Variants in ENKUR observed in about 807,000 individuals in gnomAD.
ENKUR encodes the protein enkurin, TRPC channel interacting protein.
In ENKUR, 19 loss-of-function variants were observed where a neutral mutation model predicts 27.6. That is an observed-to-expected ratio of 0.69 (90% confidence interval 0.48 to 1.01). The LOEUF is 1.01. Among genes scored for constraint, ENKUR ranks in the 50% least tolerant of loss-of-function variants. The pLI is 0.00. For missense variants in ENKUR, 312 were observed against 310.5 expected, an observed-to-expected ratio of 1.00 and a Z score of -0.04; for synonymous variants, 117 against 96.9, an observed-to-expected ratio of 1.21 and a Z score of -1.22.
chr10:24,988,425 T>A (rs1849839385), intron 4 of ENKUR, among the ~76,000 whole-genome samples: 2 of 146,002 alleles, frequency 1.4e-5, no homozygotes, highest in South Asian at 4.2e-4. Context: ...TATATATAAG[T>A]AAAATTTATT....
At chr10:25,049,731 T>C (rs757906493) in intron 2 of ENKUR, among the ~76,000 whole-genome samples, 34 of 135,472 alleles carry the variant, frequency 2.5e-4, no homozygotes, top group Non-Finnish European at 4.2e-4. Flanking sequence ...GATGTTGCAG[T>C]GAGTCGAGAT....
intron 2 of ENKUR, among the ~76,000 whole-genome samples, chr10:25,035,364 G>A (rs1439864097): frequency 1.3e-5 from 2 of 152,152 alleles, no homozygotes; most frequent in African/African-American, 4.8e-5. Flanking sequence ...AGACCAGCAT[G>A]GCCAACATGG....
chr10:25,059,466 G>A (rs1374991883), intron 2 of ENKUR, among the ~76,000 whole-genome samples: 1 of 152,114 alleles, frequency 6.6e-6, no homozygotes, highest in East Asian at 1.9e-4. Context: ...ATTATACTAT[G>A]TATGGAGATC....
chr10:25,033,732 A>G (rs1368861463), intron 2 of ENKUR, among the ~76,000 whole-genome samples: 2 of 152,190 alleles, frequency 1.3e-5, no homozygotes, highest in Non-Finnish European at 2.9e-5. Flanking sequence ...GTGAAAGTGC[A>G]ACATAAAATT....
At chr10:25,016,161 G>C (rs1850567027), upstream of ENKUR, 3 of 1,199,882 alleles carry the variant, frequency 2.5e-6, no homozygotes, top group African/African-American at 1.6e-5. Flanking sequence ...TTGACTGTGC[G>C]GTTGCCGTGG....
chr10:25,015,097 A>C (rs1282098532), intron 1 of ENKUR, among the ~76,000 whole-genome samples: 1 of 152,214 alleles, frequency 6.6e-6, no homozygotes, highest in Middle Eastern at 3.2e-3. Context: ...AGGAGAAATG[A>C]GATTTTCTCC....
At chr10:25,019,690 AAGTC>A (rs1172352272), upstream of ENKUR, among the ~76,000 whole-genome samples, 2 of 152,204 alleles carry the variant, frequency 1.3e-5, no homozygotes, top group Non-Finnish European at 2.9e-5. Context: ...TCTCACTCTA[AAGTC>A]AGTCCTATTA....
intron 2 of ENKUR, among the ~76,000 whole-genome samples, chr10:25,028,631 T>G (rs1826327005): frequency 6.6e-6 from 1 of 152,216 alleles, no homozygotes; most frequent in Admixed American, 6.5e-5. Context: ...TGTGCTTCTT[T>G]ATTCTCCAAT....
At chr10:24,988,404 G>T (rs937600057) in intron 4 of ENKUR, among the ~76,000 whole-genome samples, 2 of 143,434 alleles carry the variant, frequency 1.4e-5, no homozygotes, top group South Asian at 2.1e-4. Context: ...TTATATATGT[G>T]TATATATATT....
chr10:25,024,154 GGAGAAAT>G, intron 2 of ENKUR: 2 of 1,614,168 alleles, frequency 1.2e-6, no homozygotes, highest in Non-Finnish European at 1.7e-6. Flanking sequence ...TGCCAGGTTG[GGAGAAAT>G]GATTGAAACT....
chr10:25,046,884 T>G (rs527678488), intron 2 of ENKUR, among the ~76,000 whole-genome samples: 8 of 152,192 alleles, frequency 5.3e-5, no homozygotes, highest in African/African-American at 1.9e-4. Context: ...GTAAGCCCTC[T>G]GTGTTAATTT....
At chr10:25,061,133 C>G (rs1564360318) in exon 2 of ENKUR, 1 of 1,536,080 alleles carries the variant, frequency 6.5e-7, no homozygotes, top group Non-Finnish European at 8.7e-7. Context: ...CCTCCAGTCA[C>G]CCGCTCTGTC....
chr10:25,060,245 A>C (rs1432392835), intron 2 of ENKUR, among the ~76,000 whole-genome samples: 1 of 152,152 alleles, frequency 6.6e-6, no homozygotes. Flanking sequence ...TTGTGCAAGC[A>C]GACCGGGCGC....
chr10:25,061,320 G>T, exon 2 of ENKUR: 2 of 632,220 alleles, frequency 3.2e-6, no homozygotes, highest in Admixed American at 2.5e-5. Context: ...TCCTCCAGCC[G>T]CCTGCTCTGT....
At position 25,025,629 on chromosome 10, in the gene ENKUR, A is replaced by G. The variant is rs1238621474; in HGVS notation, c.38-29760T>C. 4 of 635,100 alleles carry G rather than the reference A, an allele frequency of 6.3e-6. No homozygotes were observed. In the South Asian group the frequency reaches 6.5e-5, roughly 10 times the overall value. The allele number at this position is 635,100 out of a possible 1,614,324, so 39.3% of individuals were successfully genotyped here. A position where few individuals can be genotyped will look rare whatever the true frequency, so the allele number is the denominator to read the frequency against. On this transcript the variant is annotated intron_variant, in intron 2 of 5. Transcript: ENST00000615958. Reference sequence around the variant, plus strand: ...TGAGAACTCCATGTCACCTCCTCAGATCTTTAATCTGGAAGTGACAAAAGG... The same window carrying G: ...TGAGAACTCCATGTCACCTCCTCAGGTCTTTAATCTGGAAGTGACAAAAGG...
rs371791298 is a variant in ENKUR at position 24,990,443 on chromosome 10, G to A, written c.594+20C>T. ...ATGATCCAAAGAGTTACAGATGAAT[G>A]TAAATGGCAGAACACACACCTGCAA... is the stretch of plus-strand genomic sequence containing the variant. On this transcript the variant is annotated intron_variant, in intron 4 of 5. Coordinates refer to ENST00000331161, the MANE Select transcript of ENKUR (RefSeq NM_145010.4). 3 of 1,598,650 alleles carry A rather than the reference G, an allele frequency of 1.9e-6. No homozygotes were observed. The African/African-American group carries it at 4.1e-5, about 22-fold the overall frequency.
chr10:25,014,134 T>C (rs950075940), intron 1 of ENKUR, among the ~76,000 whole-genome samples: 1 of 152,182 alleles, frequency 6.6e-6, no homozygotes, highest in Non-Finnish European at 1.5e-5. Context: ...TTTGGTCACA[T>C]ACATTCATCT....
intron 2 of ENKUR, among the ~76,000 whole-genome samples, chr10:25,050,626 G>C (rs533803162): frequency 6.6e-6 from 1 of 152,264 alleles, no homozygotes; most frequent in African/African-American, 2.4e-5. Flanking sequence ...TTTGGGTGGG[G>C]ATTCAGGCAA....
chr10:25,024,688 G>C lies in ENKUR; in HGVS notation c.38-28819C>G, dbSNP rs150828849. The C allele has an allele frequency of 1.6e-5, 26 of 1,614,080 alleles. No individual in the cohort carries two copies. Among genetic ancestry groups the C allele is most frequent in the Admixed American group, 3.3e-5 (2 of 60,010 alleles). On this transcript the variant is annotated intron_variant, in intron 2 of 5. Coordinates refer to the ENKUR transcript ENST00000615958. ...AGTTTATCATGCTTCCGCATATCTTGATCTTGTTAGTCAAGGATTTATTTC... is the reference window on the plus strand; with the variant it reads ...AGTTTATCATGCTTCCGCATATCTTCATCTTGTTAGTCAAGGATTTATTTC...
Sources: gnomAD v4.1 joint callset for allele counts (sites outside exome capture counted in the v4.1 genomes callset) on GRCh38, gnomAD v4.1.1 for gene constraint, MANE v1.5 for transcripts, NCBI Gene and HGNC (gene_info 2026-07-23, HGNC 2026-07-21) for gene names.